Variants in MED12L observed in about 807,000 individuals in gnomAD.
The protein encoded by MED12L is mediator of RNA polymerase II transcription subunit 12-like protein.
In MED12L, 60 loss-of-function variants were observed where a neutral mutation model predicts 281.3. The ratio of observed to expected loss-of-function variants is 0.21; its 90% confidence interval spans 0.17 to 0.26. The LOEUF is 0.26. Ranked by LOEUF, MED12L falls within the 10% of genes least tolerant of loss-of-function variation. The pLI is 1.00. For missense variants in MED12L, 2,146 were observed against 2,680.9 expected (o/e 0.80, Z 4.41); for synonymous variants, 974 against 987.2 (o/e 0.99, Z 0.25).
Position 151,434,765 on chromosome 3 carries a change from C to T in MED12L, c.*1961C>T, listed in dbSNP as rs1423245424. ...TTGAACCATATATTTTGTAGCTCAGCATTGCAAACAACAGTAATACTGTTT... is the reference window on the plus strand; with the variant it reads ...TTGAACCATATATTTTGTAGCTCAGTATTGCAAACAACAGTAATACTGTTT... On this transcript the variant is annotated 3_prime_UTR_variant, in exon 45 of 45. Transcript: ENST00000687756. 1.3e-5 allele frequency: 2 copies of T among 152,174 alleles called. No individual in the cohort carries two copies. Among genetic ancestry groups the T allele is most frequent in the Non-Finnish European group, 2.9e-5 (2 of 68,046 alleles). The allele number at this position is 152,174 out of a possible 1,614,324, so 9.4% of individuals were successfully genotyped here. A position where few individuals can be genotyped will look rare whatever the true frequency, so the allele number is the denominator to read the frequency against.
chr3:151,411,280 C>G lies in MED12L; in HGVS notation c.5913C>G (p.Thr1971=), dbSNP rs924198624. The change falls in exon 41 of 45, where the codon ACC becomes ACG. Residue 1971 remains threonine (T), a splice_region_variant and synonymous_variant. Transcript: ENST00000687756. ...PQYPGLQQAQ[T]MPQGYTMYGT... is the part of the protein sequence containing the mutation. The stretch of plus-strand genomic sequence containing the variant: ...TCTTCCCTTGTGCCTACCTGCAGAC[C>G]ATGCCACAGGGCTATACAATGTATG... The G allele has an allele frequency of 6.2e-7, 1 of 1,613,678 alleles. No homozygotes were observed. Among genetic ancestry groups the G allele is most frequent in the East Asian group, 2.2e-5 (1 of 44,888 alleles).
In MED12L at chr3:151,409,228, G is replaced by A; in HGVS notation, c.5821-15G>A. On this transcript the variant is annotated splice_polypyrimidine_tract_variant and intron_variant, in intron 39 of 44. Transcript: ENST00000687756. ...GCTGTTATGATCAAGAGTTTGCTTT[G>A]GCTTTGTTTTCCAGGGCCAGCCGGG... 3.8e-6 allele frequency: 6 copies of A among 1,578,818 alleles called. No individual in the cohort carries two copies. Among genetic ancestry groups the A allele is most frequent in the Non-Finnish European group, 5.1e-6 (6 of 1,168,102 alleles).
At chr3:151,126,095 C>G (rs1401052700) in intron 4 of MED12L, among the ~76,000 whole-genome samples, 1 of 146,812 alleles carries the variant, frequency 6.8e-6, no homozygotes, top group African/African-American at 2.6e-5. Flanking sequence ...ATTGCCCAGA[C>G]TGGAGTGCAG....
intron 37 of MED12L, 81 bp from the exon 38 acceptor site, chr3:151,389,898 A>G: frequency 4.2e-6 from 6 of 1,415,504 alleles, no homozygotes; most frequent in Non-Finnish European, 5.9e-6. Flanking sequence ...GGTACCTCAG[A>G]TAGCTTACTG....
chr3:151,407,682 C>T (rs1015965412), intron 39 of MED12L, among the ~76,000 whole-genome samples: 2 of 152,146 alleles, frequency 1.3e-5, no homozygotes, highest in Non-Finnish European at 2.9e-5. Flanking sequence ...AATGGAGATA[C>T]AATTGTTTTT....
chr3:151,144,876 C>T (rs1198078364), intron 5 of MED12L, among the ~76,000 whole-genome samples: 1 of 152,212 alleles, frequency 6.6e-6, no homozygotes, highest in Non-Finnish European at 1.5e-5. Context: ...GTAAACCTAC[C>T]TGCAGCGGTT....
chr3:151,114,824 T>C (rs1712480141), intron 2 of MED12L, among the ~76,000 whole-genome samples: 1 of 152,062 alleles, frequency 6.6e-6, no homozygotes, highest in Non-Finnish European at 1.5e-5. Flanking sequence ...AAAGTATTCC[T>C]GTATCTATCC....
intron 5 of MED12L, among the ~76,000 whole-genome samples, chr3:151,136,932 G>A (rs1032308501): frequency 8.5e-5 from 13 of 152,230 alleles, no homozygotes; most frequent in Middle Eastern, 3.4e-3. Context: ...GGGAGGCTAA[G>A]GTGGGTGGAT....
chr3:151,131,708 C>T (rs1315064092), intron 5 of MED12L, among the ~76,000 whole-genome samples: 2 of 143,414 alleles, frequency 1.4e-5, no homozygotes, highest in African/African-American at 5.2e-5. Context: ...ATGAGTGTTT[C>T]ACCAGGACCA....
At chr3:151,328,144 A>G (rs1440739105) in intron 16 of MED12L, 3 of 1,612,940 alleles carry the variant, frequency 1.9e-6, no homozygotes, top group African/African-American at 2.7e-5. Flanking sequence ...TTGCTGCCAA[A>G]AAGAGAGTTG....
Position 151,159,881 on chromosome 3 carries a change from A to G in MED12L, c.887A>G (p.Tyr296Cys), listed in dbSNP as rs763381031. 5.0e-6 allele frequency: 8 copies of G among 1,614,148 alleles called. No homozygotes were observed. Among genetic ancestry groups the G allele is most frequent in the South Asian group, 2.2e-5 (2 of 91,082 alleles). ...QSAYLSRRLA[Y>C]FCARRLSLLL... ...GCCTACCTGTCTCGTCGTCTTGCCT[A>G]CTTTTGTGCCCGGCGTCTTTCCTTG... Residue 296 changes from tyrosine to cysteine, a missense_variant, in exon 8 of 45, where the codon TAC (tyrosine) becomes TGC (cysteine). Physicochemically the swap from Tyr to Cys is radical, Grantham distance 194. Transcript: ENST00000687756.
At chr3:151,421,862 CTT>C (rs1393475682) in intron 43 of MED12L, among the ~76,000 whole-genome samples, 1 of 152,074 alleles carries the variant, frequency 6.6e-6, no homozygotes, top group African/African-American at 2.4e-5. Flanking sequence ...GCTCTTCATT[CTT>C]TGTTTTTTTC....
At chr3:151,241,388 T>C (rs1050965411) in intron 16 of MED12L, among the ~76,000 whole-genome samples, 2 of 152,222 alleles carry the variant, frequency 1.3e-5, no homozygotes, top group Non-Finnish European at 2.9e-5. Context: ...AACAAACTTT[T>C]ACTCTTGATT....
intron 28 of MED12L, 151 bp downstream of exon 28, chr3:151,376,365 A>G (rs1756855063): frequency 1.6e-6 from 1 of 611,394 alleles, no homozygotes; most frequent in South Asian, 3.6e-5. Flanking sequence ...GACATACTTT[A>G]TTTTTGGGTG....
chr3:151,326,732 A>T (rs909815712), intron 16 of MED12L: 1 of 152,238 alleles, frequency 6.6e-6, no homozygotes, highest in Non-Finnish European at 1.5e-5. Flanking sequence ...GCCATGGAAG[A>T]AAACGTGGGC....
At chr3:151,160,414 T>A (rs1025442660) in intron 8 of MED12L, among the ~76,000 whole-genome samples, 18 of 152,200 alleles carry the variant, frequency 1.2e-4, no homozygotes, top group African/African-American at 4.3e-4. Context: ...GAAAGACAGC[T>A]TCTCCAGCTA....
chr3:151,392,298 T>C (rs1044759540), intron 38 of MED12L, among the ~76,000 whole-genome samples: 3 of 151,628 alleles, frequency 2.0e-5, no homozygotes, highest in Admixed American at 6.6e-5. Flanking sequence ...ACCCCGTATC[T>C]ACTAAAAATA....
At chr3:151,368,359 C>A in intron 25 of MED12L, 108 bp downstream of exon 25, 1 of 925,622 alleles carries the variant, frequency 1.1e-6, no homozygotes, top group Non-Finnish European at 1.7e-6. Flanking sequence ...ATTTTTTGGG[C>A]ATGCCCTGGG....
chr3:151,430,670 A>G (rs1174647715), intron 44 of MED12L, among the ~76,000 whole-genome samples: 2 of 134,440 alleles, frequency 1.5e-5, no homozygotes, highest in African/African-American at 5.8e-5. Flanking sequence ...CTATGGAATC[A>G]AAGGTGTCCT....
Sources: gnomAD v4.1 joint callset for allele counts (sites outside exome capture counted in the v4.1 genomes callset) on GRCh38, gnomAD v4.1.1 for gene constraint, MANE v1.5 for transcripts, NCBI Gene and HGNC (gene_info 2026-07-23, HGNC 2026-07-21) for gene names.